The following PSG9 variants were observed in gnomAD, a reference collection of about 807,000 sequenced individuals.
The protein encoded by PSG9 is pregnancy-specific beta-1-glycoprotein 9.
PSG9 carries 49 observed loss-of-function variants against 41.9 expected under a neutral mutation model. The observed-to-expected ratio is 1.17, with a 90% CI of 0.93 to 1.48. The LOEUF (loss-of-function observed/expected upper bound fraction) is 1.48, where lower values mean the gene tolerates loss of function less well. Ranked by LOEUF, PSG9 falls within the 40% of genes most tolerant of loss-of-function variation. The pLI is 0.00. For missense variants in PSG9, 641 were observed against 520.3 expected, an observed-to-expected ratio of 1.23 and a Z score of -2.26; for synonymous variants, 263 against 196.8, an observed-to-expected ratio of 1.34 and a Z score of -2.82.
intron 3 of PSG9, chr19:43,260,802 T>C (rs1599826995): frequency 1.3e-5 from 2 of 152,272 alleles, no homozygotes; most frequent in East Asian, 3.9e-4. Context: ...AGTATTGTCT[T>C]TCTAACAATA....
At position 43,258,785 on chromosome 19, in the gene PSG9, T is replaced by C. The variant is rs560872444; in HGVS notation, c.988+72A>G. On this transcript the variant is annotated intron_variant, in intron 4 of 5. Transcript: ENST00000270077. ...GTCTATACTTGGACCGGAGAGAGAC[T>C]GAGAGGCCTGGCATCTGGTCGTTTG... 461 of 1,557,718 alleles carry C rather than the reference T, an allele frequency of 3.0e-4. 16 individuals are homozygous for C. The highest frequency in any genetic ancestry group is 3.8e-4 in the Non-Finnish European group (441 of 1,154,888).
chr19:43,266,560 GATGGGGGT>G (rs1423478515), intron 2 of PSG9, among the ~76,000 whole-genome samples: 1 of 152,054 alleles, frequency 6.6e-6, no homozygotes, highest in Non-Finnish European at 1.5e-5. Context: ...CACGTTCAGT[GATGGGGGT>G]TAAGATCTGA....
Position 43,257,888 on chromosome 19 carries a change from C to T in PSG9, c.1243+314G>A, listed in dbSNP as rs1599818253. On this transcript the variant is annotated intron_variant, in intron 5 of 5. Coordinates refer to ENST00000270077, the MANE Select transcript of PSG9 (RefSeq NM_002784.5). ...GCAGAAGGGGATGTGTCGGTGACAG[C>T]GAGAAGCAACTTGATCTTGAGGACT... 8.6e-6 allele frequency: 12 copies of T among 1,392,628 alleles called. 1 individual carries two copies. The highest frequency in any genetic ancestry group is 6.4e-5 in the East Asian group (2 of 31,094). The allele number at this position is 1,392,628 out of a possible 1,614,324, so 86.3% of individuals were successfully genotyped here. A position where few individuals can be genotyped will look rare whatever the true frequency, so the allele number is the denominator to read the frequency against.
In PSG9 at chr19:43,253,644, G is replaced by T. The variant is rs770127546; in HGVS notation, c.1246C>A (p.Pro416Thr). 2 of 1,177,940 alleles carry T rather than the reference G, an allele frequency of 1.7e-6. No individual in the cohort carries two copies. The highest frequency in any genetic ancestry group is 3.3e-5 in the African/African-American group (2 of 60,422). 73.0% of individuals were successfully genotyped at this position (1,177,940 alleles called of 1,614,324 possible). ...SKSMTVKVSG[P>T]CHGDLTESQS ...GACTCTGTCAGGTCTCCATGGCAGG[G>T]ACCTGATTGACAGAAGGCCCAGGTC... Residue 416 changes from proline (P) to threonine (T), a missense_variant and splice_region_variant, in exon 6 of 6, where the codon CCC (proline) becomes ACC (threonine). Physicochemically the swap from Pro to Thr is conservative, Grantham distance 38. Transcript: ENST00000270077.
chr19:43,265,385 A>G (rs1390470757), intron 2 of PSG9, among the ~76,000 whole-genome samples: 22 of 152,128 alleles, frequency 1.4e-4, no homozygotes, highest in Non-Finnish European at 3.1e-4. Flanking sequence ...GTCTTTTGAG[A>G]TGTTTCTCAT....
At position 43,267,902 on chromosome 19, in the gene PSG9, G is replaced by A. The variant is rs201108856; in HGVS notation, c.312C>T (p.Asn104=). ...TGACATTCTGGATCAGCAGGGATGCGTTGGAATATACTGTTTCTCTTCCAC... is the reference window on the plus strand; with the variant it reads ...TGACATTCTGGATCAGCAGGGATGCATTGGAATATACTGTTTCTCTTCCAC... The part of the protein sequence containing the change: ...AYSGRETVYS[N]ASLLIQNVTR... The change falls in exon 2 of 6, where the codon AAC becomes AAT. Residue 104 remains asparagine (N), a synonymous_variant. Transcript: ENST00000270077. 4.3e-4 allele frequency: 689 copies of A among 1,613,626 alleles called. 5 individuals are homozygous for A. The highest frequency in any genetic ancestry group is 5.4e-4 in the Non-Finnish European group (636 of 1,179,780).
chr19:43,258,832 CCACAGAGGAACAAAAGATACT>C lies in PSG9; in HGVS notation c.988+4_988+24del. On this transcript the variant is annotated splice_donor_5th_base_variant and intron_variant, in intron 4 of 5. Coordinates refer to ENST00000270077, the MANE Select transcript of PSG9 (RefSeq NM_002784.5). ...TTTGGACTTAAGCTGGTGTCCTGGC[CCACAGAGGAACAAAAGATACT>C]CACAGAGGACATTTAGGATGACTGG... The C allele has an allele frequency of 6.3e-7, 1 of 1,585,362 alleles. No individual in the cohort carries two copies. The highest frequency in any genetic ancestry group is 1.1e-5 in the South Asian group (1 of 89,330).
intron 5 of PSG9, among the ~76,000 whole-genome samples, chr19:43,256,446 A>T (rs1968447401): frequency 1.4e-5 from 2 of 147,044 alleles, no homozygotes; most frequent in Non-Finnish European, 3.0e-5. Flanking sequence ...TATGTGTGAT[A>T]AGAAATTCAT....
rs781592713 is a variant in PSG9 at position 43,258,170 on chromosome 19, C to A, written c.1243+32G>T. On this transcript the variant is annotated intron_variant, in intron 5 of 5. Transcript: ENST00000270077. ...AAAGCCAGATAGACTCCACATAAAA[C>A]CCTACTGCCAAGGATGCTGGGATCC... 34 of 1,592,160 alleles carry A rather than the reference C, an allele frequency of 2.1e-5. 3 individuals are homozygous for A. In the South Asian group the frequency reaches 3.7e-4, roughly 17 times the overall value.
intron 2 of PSG9, among the ~76,000 whole-genome samples, chr19:43,263,351 T>C (rs1430368457): frequency 6.6e-6 from 1 of 152,168 alleles, no homozygotes; most frequent in Non-Finnish European, 1.5e-5. Context: ...CTAATTTTTT[T>C]TATTTTGGAA....
In PSG9 at chr19:43,258,462, G is replaced by A; in HGVS notation, c.989-6C>T. The A allele has an allele frequency of 2.6e-6, 4 of 1,557,472 alleles. 1 individual carries two copies. The highest frequency in any genetic ancestry group is 3.5e-6 in the Non-Finnish European group (4 of 1,159,386). On this transcript the variant is annotated splice_polypyrimidine_tract_variant and splice_region_variant and intron_variant, in intron 4 of 5. Coordinates refer to ENST00000270077, the MANE Select transcript of PSG9 (RefSeq NM_002784.5). Reference sequence around the variant, plus strand: ...TCTGGGGAGGTCTGGACCATCTGGAGGAAAGAGAATAAAGCCACACGTGAT... The same window carrying A: ...TCTGGGGAGGTCTGGACCATCTGGAAGAAAGAGAATAAAGCCACACGTGAT...
At position 43,269,499 on chromosome 19, in the gene PSG9, G is replaced by A; in HGVS notation, c.-68C>T. 9.4e-6 allele frequency: 15 copies of A among 1,597,206 alleles called. No individual in the cohort carries two copies. The highest frequency in any genetic ancestry group is 1.2e-5 in the Non-Finnish European group (14 of 1,167,682). On this transcript the variant is annotated 5_prime_UTR_variant, in exon 1 of 6. Transcript: ENST00000270077. Reference sequence around the variant, plus strand: ...GGGATCCAGAAGCTGTCTGAGCACGGCTGTCAGCTGTGCTGTCCTTCCTCC... The same window carrying A: ...GGGATCCAGAAGCTGTCTGAGCACGACTGTCAGCTGTGCTGTCCTTCCTCC...
intron 2 of PSG9, among the ~76,000 whole-genome samples, chr19:43,264,401 T>C (rs1488890710): frequency 6.6e-6 from 1 of 152,170 alleles, no homozygotes; most frequent in African/African-American, 2.4e-5. Flanking sequence ...CTAGGGATTC[T>C]TTCCTCAGCT....
chr19:43,269,453 C>G lies in PSG9; in HGVS notation c.-22G>C, dbSNP rs377691726. 9.7e-5 allele frequency: 156 copies of G among 1,612,960 alleles called. 3 individuals are homozygous for G. The African/African-American group carries it at 1.5e-3, about 16-fold the overall frequency. On this transcript the variant is annotated 5_prime_UTR_variant, in exon 1 of 6. Coordinates refer to ENST00000270077, the MANE Select transcript of PSG9 (RefSeq NM_002784.5). ...CCATGGTCTCTGCTGCCTGTGTGTT[C>G]TCCTCTGTGGAGATGAGCCTGGGAT...
intron 5 of PSG9, among the ~76,000 whole-genome samples, chr19:43,255,052 C>G (rs903839215): frequency 7.1e-6 from 1 of 141,572 alleles, no homozygotes; most frequent in African/African-American, 2.7e-5. Context: ...AATCACACCA[C>G]TGTATTCCAT....
Position 43,268,135 on chromosome 19 carries a change from A to T in PSG9, c.79T>A (p.Phe27Ile). Residue 27 changes from phenylalanine to isoleucine, a missense_variant, in exon 2 of 6, where the codon TTC becomes ATC. Phe to Ile is a conservative substitution (Grantham distance 21). Coordinates refer to ENST00000270077, the MANE Select transcript of PSG9 (RefSeq NM_002784.5). ...GLLLTASLLN[F>I]WNPPTTAEVT... is the part of the protein sequence containing the mutation. The stretch of plus-strand genomic sequence containing the variant: ...TCGGCAGTGGTGGGCGGGTTCCAGA[A>T]GTTTAAAAGTGATGCTAGGAGGGGG... The T allele has an allele frequency of 3.1e-6, 5 of 1,605,850 alleles. No homozygotes were observed. The highest frequency in any genetic ancestry group is 4.3e-6 in the Non-Finnish European group (5 of 1,176,104).
chr19:43,269,161 T>C (rs890910666), intron 1 of PSG9, among the ~76,000 whole-genome samples: 2 of 151,896 alleles, frequency 1.3e-5, no homozygotes, highest in African/African-American at 4.8e-5. Flanking sequence ...TACACCACCA[T>C]ACCTGGTTAA....
chr19:43,268,282 A>T lies in PSG9; in HGVS notation c.65-133T>A, dbSNP rs954064962. The T allele has an allele frequency of 8.2e-6, 11 of 1,347,104 alleles. No homozygotes were observed. The African/African-American group carries it at 1.0e-4, about 13-fold the overall frequency. 83.4% of individuals were successfully genotyped at this position (1,347,104 alleles called of 1,614,324 possible). On this transcript the variant is annotated intron_variant, in intron 1 of 5. Transcript: ENST00000270077. ...CACACACGCACACATACAAACAAAC[A>T]CACACAAAAAACGGGCATGTGTGTT...
chr19:43,265,763 T>C (rs984060337), intron 2 of PSG9, among the ~76,000 whole-genome samples: 1 of 152,072 alleles, frequency 6.6e-6, no homozygotes, highest in African/African-American at 2.4e-5. Flanking sequence ...TATGAGTGGA[T>C]GGAGGAACTG....
Sources: allele counts gnomAD v4.1 joint callset (sites outside exome capture counted in the v4.1 genomes callset), GRCh38; gene constraint gnomAD v4.1.1; transcripts MANE v1.5; gene names NCBI Gene and HGNC (gene_info 2026-07-23, HGNC 2026-07-21).